ZNF608: variants seen among roughly 807,000 people sequenced by gnomAD.
ZNF608 encodes the protein renal carcinoma antigen NY-REN-36.
In ZNF608, 12 loss-of-function variants were observed where a neutral mutation model predicts 109.0. The observed-to-expected ratio is 0.11, with a 90% confidence interval of 0.07 to 0.18. The LOEUF (loss-of-function observed/expected upper bound fraction) is 0.18. ZNF608 is among the 10% of genes least tolerant of loss of function. The pLI is 1.00. For missense variants in ZNF608, 1,707 were observed against 1,879.3 expected (o/e 0.91, Z 1.70); for synonymous variants, 732 against 717.4 (o/e 1.02, Z -0.33).
chr5:124,647,895 G>C lies in ZNF608; in HGVS notation c.2489C>G (p.Pro830Arg), dbSNP rs1285441784. 6 of 1,614,138 alleles carry C rather than the reference G, an allele frequency of 3.7e-6. No individual in the cohort carries two copies. The highest frequency in any genetic ancestry group is 5.1e-6 in the Non-Finnish European group (6 of 1,180,024). Residue 830 changes from proline (P) to arginine (R), a missense_variant, in exon 5 of 10, where the codon CCA becomes CGA. By Grantham distance (103) the Pro-to-Arg change is moderately radical. This residue lies in a region of ZNF608 where 1,073 missense variants were observed against 1,133.5 expected (regional missense o/e 0.95). Coordinates refer to ENST00000513986, the MANE Select transcript of ZNF608 (RefSeq NM_020747.3). Reference sequence around the variant, plus strand: ...TTTCCCCAGCTTGGCATCCATTTTTGGGCTTCCCGTCTCTTTCCCTTCTTT... The same window carrying C: ...TTTCCCCAGCTTGGCATCCATTTTTCGGCTTCCCGTCTCTTTCCCTTCTTT... ...KDKEGKETGS[P>R]KMDAKLGKLE... is the part of the protein sequence containing the mutation.
intron 3 of ZNF608, among the ~76,000 whole-genome samples, chr5:124,688,588 T>G (rs4285214): frequency 0.55 from 83,566 of 152,002 alleles, 23,454 homozygotes; most frequent in East Asian, 0.67. Context: ...TCTACTACAT[T>G]AGAAATGTTT....
chr5:124,652,603 G>A (rs1750840664), intron 3 of ZNF608, among the ~76,000 whole-genome samples: 1 of 152,188 alleles, frequency 6.6e-6, no homozygotes, highest in South Asian at 2.1e-4. Context: ...CTTAAGGAAT[G>A]TTTCTCATAT....
chr5:124,671,936 C>G (rs1332192002), intron 3 of ZNF608, among the ~76,000 whole-genome samples: 1 of 152,118 alleles, frequency 6.6e-6, no homozygotes, highest in Non-Finnish European at 1.5e-5. Flanking sequence ...TTGTGTCCAG[C>G]CCCCTTGGGC....
At chr5:124,638,234 G>A (rs1021769881) in intron 9 of ZNF608, among the ~76,000 whole-genome samples, 30 of 149,336 alleles carry the variant, frequency 2.0e-4, no homozygotes, top group African/African-American at 7.1e-4. Flanking sequence ...ACAGGCATAA[G>A]CCACCACACC....
intron 4 of ZNF608, 136 bp from the exon 5 acceptor site, chr5:124,649,269 C>A: frequency 1.4e-6 from 1 of 696,866 alleles, no homozygotes. Flanking sequence ...AAAAGACTGA[C>A]AATTTCCAAC....
intron 3 of ZNF608, among the ~76,000 whole-genome samples, chr5:124,692,626 G>A (rs917694127): frequency 2.0e-5 from 3 of 152,102 alleles, no homozygotes; most frequent in African/African-American, 7.2e-5. Flanking sequence ...AAATAGACAG[G>A]AACTTTTGTG....
intron 3 of ZNF608, among the ~76,000 whole-genome samples, chr5:124,655,190 T>A (rs542256085): frequency 6.6e-6 from 1 of 152,360 alleles, no homozygotes; most frequent in African/African-American, 2.4e-5. Flanking sequence ...TGATAGACAT[T>A]CTCTGTGGAG....
chr5:124,654,242 G>A (rs1455882158), intron 3 of ZNF608, among the ~76,000 whole-genome samples: 8 of 151,562 alleles, frequency 5.3e-5, no homozygotes, highest in Admixed American at 5.3e-4. Context: ...GGGTGGTCTT[G>A]AACTCCTGGC....
At chr5:124,644,066 T>C (rs1012495070) in intron 6 of ZNF608, among the ~76,000 whole-genome samples, 178 bp downstream of exon 6, 1 of 152,230 alleles carries the variant, frequency 6.6e-6, no homozygotes, top group Non-Finnish European at 1.5e-5. Context: ...CTGAGGATTC[T>C]TGACATTTCA....
rs142634005 is a variant in ZNF608, at chr5:124,727,370, T to G, written c.906+16714A>C. On this transcript the variant is annotated intron_variant, in intron 2 of 9. Coordinates refer to ENST00000513986, the MANE Select transcript of ZNF608 (RefSeq NM_020747.3). Reference sequence around the variant, plus strand: ...CTGTCCTTGGGATTCCAGTTGGTCTTGACCTTGTATAGCTGCCCTCACAGT... The same window carrying G: ...CTGTCCTTGGGATTCCAGTTGGTCTGGACCTTGTATAGCTGCCCTCACAGT... 1.3e-3 allele frequency among the ~76,000 whole-genome samples: 191 copies of G among 152,334 alleles called. 2 individuals are homozygous for G. Among genetic ancestry groups the G allele is most frequent in the African/African-American group, 4.4e-3 (184 of 41,584 alleles).
intron 2 of ZNF608, among the ~76,000 whole-genome samples, chr5:124,735,432 G>A (rs1198167141): frequency 2.0e-5 from 3 of 152,174 alleles, no homozygotes; most frequent in African/African-American, 7.2e-5. Context: ...CAGCGGCCAC[G>A]CCCCCAGGAG....
chr5:124,697,988 A>G (rs1191859133), intron 3 of ZNF608, among the ~76,000 whole-genome samples: 2 of 152,204 alleles, frequency 1.3e-5, no homozygotes, highest in East Asian at 1.9e-4. Flanking sequence ...CCAAGTGAAA[A>G]TACCAGGGAC....
chr5:124,739,815 G>A (rs939943724), intron 2 of ZNF608, among the ~76,000 whole-genome samples: 3 of 152,112 alleles, frequency 2.0e-5, no homozygotes, highest in African/African-American at 4.8e-5. Context: ...TCTTTTTCAC[G>A]CTGAAAACGA....
chr5:124,742,959 C>A (rs1749475821), intron 2 of ZNF608, among the ~76,000 whole-genome samples: 1 of 152,200 alleles, frequency 6.6e-6, no homozygotes, highest in Non-Finnish European at 1.5e-5. Flanking sequence ...CTGCAAGGCA[C>A]AACCTGTAGA....
chr5:124,735,990 C>T (rs1285061163), intron 2 of ZNF608, among the ~76,000 whole-genome samples: 3 of 151,936 alleles, frequency 2.0e-5, no homozygotes, highest in Non-Finnish European at 4.4e-5. Flanking sequence ...TTCCACACAA[C>T]TTCACAGAAA....
upstream of ZNF608, chr5:124,746,787 C>G (rs72783204): frequency 0.012 from 11,929 of 981,276 alleles, 75 homozygotes; most frequent in Middle Eastern, 0.019. Context: ...CTTGAACTAA[C>G]TTAAGAGAAA....
chr5:124,642,887 G>GAATTTT (rs1750312861), intron 7 of ZNF608, among the ~76,000 whole-genome samples: 4 of 151,758 alleles, frequency 2.6e-5, no homozygotes, highest in Non-Finnish European at 5.9e-5. Context: ...AGTAGAGACG[G>GAATTTT]AGTTTCACCA....
At chr5:124,702,718 T>A (rs1401828827) in intron 2 of ZNF608, among the ~76,000 whole-genome samples, 1 of 152,140 alleles carries the variant, frequency 6.6e-6, no homozygotes, top group Non-Finnish European at 1.5e-5. Flanking sequence ...CTTTCACCCA[T>A]CTGCATGTTA....
intron 2 of ZNF608, chr5:124,710,760 G>A (rs2149865368): frequency 6.5e-6 from 1 of 153,846 alleles, no homozygotes; most frequent in Non-Finnish European, 1.4e-5. Context: ...CTGAATCACA[G>A]TTAAGCAACT....
Sources: gnomAD v4.1 joint callset for allele counts (sites outside exome capture counted in the v4.1 genomes callset) on GRCh38, gnomAD v4.1.1 for gene constraint, gnomAD v4.1.1 regional missense constraint, MANE v1.5 for transcripts, NCBI Gene and HGNC (gene_info 2026-07-23, HGNC 2026-07-21) for gene names.